UFD1: variants seen among roughly 807,000 people sequenced by gnomAD.
UFD1 encodes the protein ubiquitin recognition factor in ER-associated degradation protein 1.
UFD1 carries 13 observed loss-of-function variants against 45.9 expected under a neutral mutation model. That is an observed-to-expected ratio of 0.28 (90% CI 0.18 to 0.45). The LOEUF (loss-of-function observed/expected upper bound fraction) is 0.45. Among genes scored for constraint, UFD1 ranks in the 20% least tolerant of loss-of-function variants. UFD1 has a pLI of 1.00. For synonymous variants in UFD1, 128 were observed against 139.2 expected (o/e 0.92, Z 0.56); for missense variants, 218 against 389.2 (o/e 0.56, Z 3.70).
chr22:19,450,928 G>GA, intron 11 of UFD1, 184 bp from the exon 12 acceptor site: 4 of 1,362,128 alleles, frequency 2.9e-6, no homozygotes, highest in Middle Eastern at 2.2e-4. Flanking sequence ...TTGAGCCCAG[G>GA]AGTTCAAGAC....
At chr22:19,453,507 G>A in intron 11 of UFD1, 1 of 985,468 alleles carries the variant, frequency 1.0e-6, no homozygotes, top group Non-Finnish European at 1.2e-6. Flanking sequence ...AGTCAGCCTG[G>A]GGGACGTCCC....
intron 1 of UFD1, chr22:19,478,668 GC>G (rs1400268704): frequency 1.5e-5 from 3 of 203,658 alleles, no homozygotes; most frequent in African/African-American, 1.4e-4. Flanking sequence ...TGGGGCAAGA[GC>G]TGGGTGTCCC....
Position 19,450,353 on chromosome 22 carries a change from A to T in UFD1, c.*317T>A. The T allele has an allele frequency of 3.5e-6, 1 of 285,574 alleles. No homozygotes were observed. The highest frequency in any genetic ancestry group is 6.6e-5 in the East Asian group (1 of 15,106). The allele number at this position is 285,574 out of a possible 1,614,324, so 17.7% of individuals were successfully genotyped here. A position where few individuals can be genotyped will look rare whatever the true frequency, so the allele number is the denominator to read the frequency against. On this transcript the variant is annotated 3_prime_UTR_variant, in exon 12 of 12. Coordinates refer to ENST00000263202, the MANE Select transcript of UFD1 (RefSeq NM_005659.7). ...AATTTAGTCACCTTCATAGGTTTTGACAGAATTAGGGATGCAGAATTGCTC... is the reference window on the plus strand; with the variant it reads ...AATTTAGTCACCTTCATAGGTTTTGTCAGAATTAGGGATGCAGAATTGCTC...
chr22:19,462,263 T>C (rs920274878), intron 6 of UFD1, among the ~76,000 whole-genome samples: 1 of 151,328 alleles, frequency 6.6e-6, no homozygotes, highest in Non-Finnish European at 1.5e-5. Flanking sequence ...GCCTCCCAAA[T>C]TGCTGGGATT....
chr22:19,477,442 G>A (rs969824006), intron 1 of UFD1, among the ~76,000 whole-genome samples: 2 of 152,142 alleles, frequency 1.3e-5, no homozygotes, highest in Admixed American at 6.5e-5. Context: ...GTCATAAAAG[G>A]ACTTATATTT....
chr22:19,479,182 C>A lies in UFD1; in HGVS notation c.-97G>T. Reference sequence around the variant, plus strand: ...AGCCGCCGCTGCCGCTGCCGCCGCGCCAAGCCGGTACGCCCCAGAGGCTCA... The same window carrying A: ...AGCCGCCGCTGCCGCTGCCGCCGCGACAAGCCGGTACGCCCCAGAGGCTCA... On this transcript the variant is annotated 5_prime_UTR_variant, in exon 1 of 12. Coordinates refer to ENST00000263202, the MANE Select transcript of UFD1 (RefSeq NM_005659.7). The A allele has an allele frequency of 6.3e-7, 1 of 1,576,626 alleles. No individual in the cohort carries two copies. Among genetic ancestry groups the A allele is most frequent in the Non-Finnish European group, 8.6e-7 (1 of 1,162,400 alleles).
At chr22:19,459,842 G>A (rs555589649) in intron 6 of UFD1, among the ~76,000 whole-genome samples, 3 of 147,696 alleles carry the variant, frequency 2.0e-5, no homozygotes, top group South Asian at 4.4e-4. Context: ...GGGTTCCAGC[G>A]ATTCTCTTGC....
At chr22:19,471,847 G>A (rs755230942) in intron 3 of UFD1, 39 bp from the exon 4 acceptor site, 1 of 1,598,598 alleles carries the variant, frequency 6.3e-7, no homozygotes, top group South Asian at 1.1e-5. Flanking sequence ...CAGCTCCTAT[G>A]AAGGGACACC....
intron 1 of UFD1, 97 bp downstream of exon 1, chr22:19,478,986 C>A: frequency 6.7e-7 from 1 of 1,487,806 alleles, no homozygotes; most frequent in Non-Finnish European, 9.0e-7. Context: ...GGTGACTCGG[C>A]ACCTCCGCCG....
At position 19,467,986 on chromosome 22, in the gene UFD1, G is replaced by A; in HGVS notation, c.309C>T (p.Leu103=). 4 of 1,614,156 alleles carry A rather than the reference G, an allele frequency of 2.5e-6. No homozygotes were observed. The South Asian group carries it at 4.4e-5, about 18-fold the overall frequency. ...CCTGGACCAGGCCGCCTTCTTCCAA[G>A]AGTAAGTTCTGCATCATCTGAAAGG... ...YLPHWMMQNL[L]LEEGGLVQVE... is the part of the protein sequence containing the mutation. The change falls in exon 5 of 12, where the codon CTC becomes CTT. Residue 103 remains leucine, a synonymous_variant. Coordinates refer to ENST00000263202, the MANE Select transcript of UFD1 (RefSeq NM_005659.7).
chr22:19,458,204 T>C, intron 6 of UFD1, 65 bp from the exon 7 acceptor site: 1 of 1,572,588 alleles, frequency 6.4e-7, no homozygotes, highest in East Asian at 2.2e-5. Context: ...TCGCTGTCCA[T>C]GTTACTGTGG....
Position 19,455,777 on chromosome 22 carries a change from G to A in UFD1, c.679-9C>T. 6.2e-7 allele frequency: 1 copy of A among 1,613,736 alleles called. No individual in the cohort carries two copies. Among genetic ancestry groups the A allele is most frequent in the Non-Finnish European group, 8.5e-7 (1 of 1,179,688 alleles). ...CCAGATCCAGAGAAAGCCTAGACAGGAAGTAGGTGAGTCATATAATAAGCC... is the reference window on the plus strand; with the variant it reads ...CCAGATCCAGAGAAAGCCTAGACAGAAAGTAGGTGAGTCATATAATAAGCC... On this transcript the variant is annotated splice_polypyrimidine_tract_variant and intron_variant, in intron 9 of 11. Coordinates refer to ENST00000263202, the MANE Select transcript of UFD1 (RefSeq NM_005659.7).
chr22:19,451,355 G>A (rs2089681280), intron 11 of UFD1: 1 of 985,394 alleles, frequency 1.0e-6, no homozygotes, highest in Non-Finnish European at 1.2e-6. Context: ...GCAGCTTAAT[G>A]TATTTGCACA....
rs1244215037 is a variant in UFD1, at chr22:19,475,535, C to T, written c.71G>A (p.Arg24His). The change falls in exon 2 of 12, where the codon CGC becomes CAC. Residue 24 changes from arginine to histidine, a missense_variant. Physicochemically the swap from Arg to His is conservative, Grantham distance 29. This residue lies in a region of UFD1 where 149 missense variants were observed against 307.5 expected (regional missense o/e 0.48). Transcript: ENST00000263202. The stretch of plus-strand genomic sequence containing the variant: ...TGCTAGCATGGACACAGAGAAGCAG[C>T]GGTACTGTGTGGAGAAGCGGTTTTG... ...VFQNRFSTQY[R>H]CFSVSMLAGP... 6.2e-7 allele frequency: 1 copy of T among 1,614,000 alleles called. No homozygotes were observed. Among genetic ancestry groups the T allele is most frequent in the Non-Finnish European group, 8.5e-7 (1 of 1,180,034 alleles).
intron 1 of UFD1, among the ~76,000 whole-genome samples, chr22:19,478,047 A>T (rs2089901863): frequency 6.6e-6 from 1 of 152,192 alleles, no homozygotes; most frequent in African/African-American, 2.4e-5. Flanking sequence ...TCACTAGCCA[A>T]CCTATGTAAG....
intron 3 of UFD1, among the ~76,000 whole-genome samples, chr22:19,473,720 A>G (rs147656023): frequency 3.3e-5 from 5 of 152,334 alleles, no homozygotes; most frequent in Admixed American, 3.3e-4. Flanking sequence ...TGTCACAGAC[A>G]CTACAGTACT....
intron 4 of UFD1, among the ~76,000 whole-genome samples, chr22:19,468,266 A>T (rs1384084862): frequency 6.6e-6 from 1 of 152,212 alleles, no homozygotes; most frequent in Non-Finnish European, 1.5e-5. Flanking sequence ...ATTACTCACT[A>T]GCTCCAGGCT....
chr22:19,459,360 A>G (rs1368987653), intron 6 of UFD1, among the ~76,000 whole-genome samples: 6 of 152,216 alleles, frequency 3.9e-5, no homozygotes, highest in Non-Finnish European at 1.5e-5. Context: ...CACGCCTGTA[A>G]TCCCAGCACT....
At chr22:19,462,391 C>T (rs901316040) in intron 6 of UFD1, among the ~76,000 whole-genome samples, 4 of 152,268 alleles carry the variant, frequency 2.6e-5, no homozygotes, top group Non-Finnish European at 4.4e-5. Flanking sequence ...CTAGGCCAGG[C>T]GCGGTGGCTC....
Sources: allele counts gnomAD v4.1 joint callset (sites outside exome capture counted in the v4.1 genomes callset), GRCh38; gene constraint gnomAD v4.1.1; regional missense constraint gnomAD v4.1.1; transcripts MANE v1.5; gene names NCBI Gene and HGNC (gene_info 2026-07-23, HGNC 2026-07-21).